Variants in CELF2 observed in about 807,000 individuals in gnomAD.
The protein encoded by CELF2 is CUGBP Elav-like family member 2, also known as CUG triplet repeat RNA-binding protein 2.
A neutral mutation model predicts 62.6 loss-of-function variants in CELF2; 8 were observed. That is an observed-to-expected ratio of 0.13 (90% CI 0.07 to 0.23). The LOEUF (loss-of-function observed/expected upper bound fraction) is 0.23, where lower values mean the gene tolerates loss of function less well. Among genes scored for constraint, CELF2 ranks in the 10% least tolerant of loss-of-function variants. CELF2 has a pLI of 1.00. For missense variants in CELF2, 333 were observed against 671.0 expected, an observed-to-expected ratio of 0.50 and a Z score of 5.56; for synonymous variants, 258 against 250.0, an observed-to-expected ratio of 1.03 and a Z score of -0.30.
At chr10:10,468,650 C>T in the CELF2 span, among the ~76,000 whole-genome samples, 32,240 of 151,818 alleles carry the variant, frequency 0.21, 3,679 homozygotes, top group African/African-American at 0.3. Context: ...ATTGTTGGGC[C>T]TCTTCAACTA....
chr10:10,948,868 A>G (rs1415991305), intron 2 of CELF2, among the ~76,000 whole-genome samples: 1 of 152,040 alleles, frequency 6.6e-6, no homozygotes, highest in Non-Finnish European at 1.5e-5. Context: ...TGCTGCTGGC[A>G]TTGGCTGGCT....
the CELF2 span, among the ~76,000 whole-genome samples, chr10:10,752,020 C>G: frequency 6.6e-6 from 1 of 152,190 alleles, no homozygotes; most frequent in Non-Finnish European, 1.5e-5. Flanking sequence ...TGACCTGCTT[C>G]GGTCACTGAA....
chr10:10,711,997 C>T, the CELF2 span, among the ~76,000 whole-genome samples: 1,524 of 151,978 alleles, frequency 0.01, 25 homozygotes, highest in African/African-American at 0.035. Flanking sequence ...AGGAAGAAGC[C>T]GAGCAGTTCT....
At chr10:11,256,804 C>T (rs564568087) in intron 4 of CELF2, among the ~76,000 whole-genome samples, 8 of 152,140 alleles carry the variant, frequency 5.3e-5, no homozygotes, top group Admixed American at 3.9e-4. Flanking sequence ...GAAAATCTCC[C>T]GGGCCCTGTG....
At chr10:10,573,370 A>G in the CELF2 span, among the ~76,000 whole-genome samples, 1 of 152,006 alleles carries the variant, frequency 6.6e-6, no homozygotes. Flanking sequence ...CTATTTGTCA[A>G]TTTTTGCTTT....
rs2140038867 is a variant in CELF2 at position 11,297,939 on chromosome 10, G to C, written c.976+9387G>C. Among the ~76,000 whole-genome samples, 1 of 152,288 alleles carries C rather than the reference G, an allele frequency of 6.6e-6. No homozygotes were observed. Among genetic ancestry groups the C allele is most frequent in the South Asian group, 2.1e-4 (1 of 4,830 alleles). On this transcript the variant is annotated intron_variant, in intron 9 of 12. Coordinates refer to ENST00000633077, the MANE Select transcript of CELF2 (RefSeq NM_001326342.2). The surrounding 1 kb of genome is among the most constrained non-coding windows in gnomAD (Gnocchi z 4.4). ...AGAGGTTGCAGTGAGCCGAGATCAC[G>C]TCACTGCACTCCAGCCCAGGTGACA...
the CELF2 span, among the ~76,000 whole-genome samples, chr10:10,554,117 C>T: frequency 6.6e-6 from 1 of 151,982 alleles, no homozygotes; most frequent in Non-Finnish European, 1.5e-5. Flanking sequence ...TAGGAATGAG[C>T]ATGTGTCAGC....
At chr10:11,180,189 T>A (rs1317116067) in intron 2 of CELF2, among the ~76,000 whole-genome samples, 1 of 152,204 alleles carries the variant, frequency 6.6e-6, no homozygotes, top group Non-Finnish European at 1.5e-5. Context: ...AATCTCCATG[T>A]CTTGCTTAGC....
rs1207230230 is a variant in CELF2, at chr10:11,285,873, GTGTGTT to G, written c.842-2543_842-2538del. ...TGTGTGTGTGTGTGTGTGTGTGTGT[GTGTGTT>G]TTTACATGGACTTGAAAATGAGTAA... On this transcript the variant is annotated intron_variant, in intron 8 of 12. Coordinates refer to ENST00000633077, the MANE Select transcript of CELF2 (RefSeq NM_001326342.2). The surrounding 1 kb of genome is among the most constrained non-coding windows in gnomAD (Gnocchi z 4.3). Among the ~76,000 whole-genome samples the G allele has an allele frequency of 0.018, 1,631 of 93,130 alleles. 25 individuals carry two copies. The highest frequency in any genetic ancestry group is 0.049 in the African/African-American group (864 of 17,800). 61.1% of individuals were successfully genotyped at this position (93,130 alleles called of 152,430 possible).
intron 1 of CELF2, among the ~76,000 whole-genome samples, chr10:10,831,023 T>C (rs1396406181): frequency 1.3e-5 from 2 of 152,188 alleles, no homozygotes; most frequent in Admixed American, 1.3e-4. Context: ...TGGGTTTGTG[T>C]GAGGCTGGAG....
At position 10,938,998 on chromosome 10, in the gene CELF2, A is replaced by T. The variant is rs11256928; in HGVS notation, c.89+18999A>T. On this transcript the variant is annotated intron_variant, in intron 2 of 13. Coordinates refer to the CELF2 transcript ENST00000636488. This position sits in a 1 kb window ranked among gnomAD's most constrained non-coding sequence, Gnocchi z 4.2. ...AAAGTCAGAAAGCCTGAGATCCACAAGCTTCTTGGGGAGGGATCTGCAGAC... is the reference window on the plus strand; with the variant it reads ...AAAGTCAGAAAGCCTGAGATCCACATGCTTCTTGGGGAGGGATCTGCAGAC... Among the ~76,000 whole-genome samples, 49,280 of 152,110 alleles carry T rather than the reference A, an allele frequency of 0.32. 9,233 individuals carry two copies. The highest frequency in any genetic ancestry group is 0.73 in the East Asian group (3,790 of 5,164).
At chr10:10,760,310 C>T in the CELF2 span, among the ~76,000 whole-genome samples, 1 of 152,288 alleles carries the variant, frequency 6.6e-6, no homozygotes, top group East Asian at 1.9e-4. Flanking sequence ...GAACGCCTGA[C>T]TCTAGGAGTG....
At chr10:11,194,777 A>G (rs1243640290) in intron 2 of CELF2, among the ~76,000 whole-genome samples, 1 of 152,240 alleles carries the variant, frequency 6.6e-6, no homozygotes, top group African/African-American at 2.4e-5. Context: ...TTGCTTGCGA[A>G]TGCTCACAGT....
chr10:11,086,259 G>A (rs1198791498), intron 1 of CELF2, among the ~76,000 whole-genome samples: 1 of 151,986 alleles, frequency 6.6e-6, no homozygotes, highest in Admixed American at 6.6e-5. Context: ...AGTTGAGCAG[G>A]TGATTTAAAC....
chr10:10,867,322 A>G (rs574091464), intron 1 of CELF2, among the ~76,000 whole-genome samples: 2 of 152,350 alleles, frequency 1.3e-5, no homozygotes, highest in Non-Finnish European at 2.9e-5. Flanking sequence ...TCCATTGTGA[A>G]CCATCTTCCC....
the CELF2 span, among the ~76,000 whole-genome samples, chr10:10,665,993 G>T: frequency 6.6e-6 from 1 of 152,168 alleles, no homozygotes; most frequent in African/African-American, 2.4e-5. Flanking sequence ...AAGAGTCAGG[G>T]ACTTTCTCAG....
At chr10:11,239,503 G>T (rs1355277245) in intron 3 of CELF2, among the ~76,000 whole-genome samples, 1 of 152,138 alleles carries the variant, frequency 6.6e-6, no homozygotes, top group African/African-American at 2.4e-5. Flanking sequence ...CCTATACTTT[G>T]CAAAATAATA....
Position 11,223,583 on chromosome 10 carries a change from T to G in CELF2, c.354+6076T>G, listed in dbSNP as rs903352196. On this transcript the variant is annotated intron_variant, in intron 3 of 12. Transcript: ENST00000633077. This position sits in a 1 kb window ranked among gnomAD's most constrained non-coding sequence, Gnocchi z 5.1. ...CAAACAAACAAAATAAGGACTTTGT[T>G]TCTCTTGGAGATGACTTTTTAAGGA... Among the ~76,000 whole-genome samples, 1 of 152,238 alleles carries G rather than the reference T, an allele frequency of 6.6e-6. No individual in the cohort carries two copies. The highest frequency in any genetic ancestry group is 1.5e-5 in the Non-Finnish European group (1 of 68,044).
chr10:11,050,237 C>G (rs750174572), intron 1 of CELF2, among the ~76,000 whole-genome samples: 1 of 152,126 alleles, frequency 6.6e-6, no homozygotes, highest in African/African-American at 2.4e-5. Context: ...ACTCTTTGTC[C>G]GTGAAGTGTT....
Sources: allele counts gnomAD v4.1 joint callset (sites outside exome capture counted in the v4.1 genomes callset), GRCh38; gene constraint gnomAD v4.1.1; non-coding constraint Gnocchi (gnomAD v3.1); transcripts MANE v1.5; gene names NCBI Gene and HGNC (gene_info 2026-07-23, HGNC 2026-07-21).